The following KCTD16 variants were observed in gnomAD, a reference collection of about 807,000 sequenced individuals.
KCTD16 encodes potassium channel tetramerization domain containing 16.
In KCTD16, 13 loss-of-function variants were observed where a neutral mutation model predicts 33.2. The ratio of observed to expected loss-of-function variants is 0.39; its 90% CI spans 0.25 to 0.62. The LOEUF is 0.62. KCTD16 is among the 20% of genes least tolerant of loss of function. The pLI, the probability that KCTD16 is intolerant of heterozygous loss-of-function variation, is 0.50. For synonymous variants in KCTD16, 197 were observed against 195.3 expected (o/e 1.01, Z -0.07); for missense variants, 441 against 525.1 (o/e 0.84, Z 1.57).
intron 3 of KCTD16, among the ~76,000 whole-genome samples, chr5:144,214,344 C>T (rs1753495025): frequency 6.6e-6 from 1 of 152,068 alleles, no homozygotes; most frequent in Non-Finnish European, 1.5e-5. Context: ...CAGTATTTTC[C>T]CCTTTGGATC....
At chr5:144,356,914 G>C (rs1355100627) in intron 3 of KCTD16, among the ~76,000 whole-genome samples, 3 of 151,460 alleles carry the variant, frequency 2.0e-5, no homozygotes, top group Admixed American at 1.3e-4. Context: ...AAGGCACACA[G>C]TCACATTTCT....
At chr5:144,378,255 A>G (rs962205827) in intron 3 of KCTD16, among the ~76,000 whole-genome samples, 7 of 152,336 alleles carry the variant, frequency 4.6e-5, no homozygotes, top group African/African-American at 1.7e-4. Flanking sequence ...GAAAAGTAAT[A>G]GAAGAACTTA....
chr5:144,180,448 A>G (rs1415589284), intron 2 of KCTD16, among the ~76,000 whole-genome samples: 1 of 152,046 alleles, frequency 6.6e-6, no homozygotes, highest in Non-Finnish European at 1.5e-5. Context: ...TTGTAAAGAA[A>G]AACAAACAAA....
intron 3 of KCTD16, among the ~76,000 whole-genome samples, chr5:144,417,811 T>G (rs544586499): frequency 6.6e-6 from 1 of 152,168 alleles, no homozygotes; most frequent in Non-Finnish European, 1.5e-5. Context: ...TTCTTCTGCA[T>G]ATGGATATGC....
At chr5:144,312,232 C>T (rs1032313461) in intron 3 of KCTD16, among the ~76,000 whole-genome samples, 2 of 152,298 alleles carry the variant, frequency 1.3e-5, no homozygotes, top group East Asian at 1.9e-4. Flanking sequence ...TCTGTTTATA[C>T]GTGTTACTCT....
chr5:144,233,113 C>G (rs576708275), intron 3 of KCTD16, among the ~76,000 whole-genome samples: 142 of 151,796 alleles, frequency 9.4e-4, no homozygotes, highest in African/African-American at 3.4e-3. Flanking sequence ...AGAACTGTGT[C>G]TTTTAGATTT....
chr5:144,191,760 A>G lies in KCTD16; in HGVS notation c.-326-14629A>G, dbSNP rs562397579. 4.0e-5 allele frequency among the ~76,000 whole-genome samples: 6 copies of G among 151,502 alleles called. No homozygotes were observed. In the East Asian group the frequency reaches 9.7e-4, roughly 24 times the overall value. On this transcript the variant is annotated intron_variant, in intron 2 of 3. Transcript: ENST00000512467. ...AGCCGAGACAGTTCCCTGTTTTTCTATGCATCTCAGGCTAACAGTGAGTGT... is the reference window on the plus strand; with the variant it reads ...AGCCGAGACAGTTCCCTGTTTTTCTGTGCATCTCAGGCTAACAGTGAGTGT...
chr5:144,452,433 G>A (rs1289193479), intron 3 of KCTD16, among the ~76,000 whole-genome samples: 1 of 151,648 alleles, frequency 6.6e-6, no homozygotes, highest in Non-Finnish European at 1.5e-5. Flanking sequence ...GAATCACATC[G>A]AACATATACC....
intron 3 of KCTD16, among the ~76,000 whole-genome samples, chr5:144,274,835 C>T (rs1755398170): frequency 6.6e-6 from 1 of 152,156 alleles, no homozygotes; most frequent in African/African-American, 2.4e-5. Context: ...TTAAGGCTCC[C>T]AGATCAGAAG....
At chr5:144,178,999 C>T (rs12520298) in intron 2 of KCTD16, among the ~76,000 whole-genome samples, 23,180 of 152,166 alleles carry the variant, frequency 0.15, 1,933 homozygotes, top group Admixed American at 0.25. Flanking sequence ...AAACACCCCT[C>T]GTTTAACTGG....
At chr5:144,283,821 C>T (rs542531574) in intron 3 of KCTD16, among the ~76,000 whole-genome samples, 108 of 152,224 alleles carry the variant, frequency 7.1e-4, no homozygotes, top group Non-Finnish European at 1.3e-3. Flanking sequence ...CTTTCATTAC[C>T]TGGAGGATAT....
chr5:144,450,788 A>G (rs1341504327), intron 3 of KCTD16, among the ~76,000 whole-genome samples: 1 of 152,122 alleles, frequency 6.6e-6, no homozygotes, highest in African/African-American at 2.4e-5. Context: ...GTTACTAGGT[A>G]TCGAGGGGAG....
intron 3 of KCTD16, among the ~76,000 whole-genome samples, chr5:144,211,997 C>T (rs1219557892): frequency 6.6e-6 from 1 of 152,074 alleles, no homozygotes; most frequent in Non-Finnish European, 1.5e-5. Flanking sequence ...TGTTACCTTC[C>T]CCAGGGGTAT....
chr5:144,368,928 T>G (rs1751900222), intron 3 of KCTD16, among the ~76,000 whole-genome samples: 1 of 152,162 alleles, frequency 6.6e-6, no homozygotes, highest in Non-Finnish European at 1.5e-5. Flanking sequence ...AATCCAGAAC[T>G]CGAACCCAGA....
At chr5:144,377,838 CT>C (rs2126928709) in intron 3 of KCTD16, 1 of 152,300 alleles carries the variant, frequency 6.6e-6, no homozygotes, top group African/African-American at 2.4e-5. Context: ...GTAAACCTCC[CT>C]TTCCACAATG....
rs1462834907 is a variant in KCTD16 at position 144,483,783 on chromosome 5, A to C, written c.*9669A>C. On this transcript the variant is annotated 3_prime_UTR_variant, in exon 4 of 4. Transcript: ENST00000512467. ...CATGCCTTCAACTGATAGTCCTAGCACAGATCCCTCCTCCCAGAGATCTGT... is the reference window on the plus strand; with the variant it reads ...CATGCCTTCAACTGATAGTCCTAGCCCAGATCCCTCCTCCCAGAGATCTGT... The C allele has an allele frequency of 1.3e-5, 2 of 151,962 alleles. No homozygotes were observed. Among genetic ancestry groups the C allele is most frequent in the Non-Finnish European group, 1.5e-5 (1 of 67,932 alleles). 9.4% of individuals were successfully genotyped at this position (151,962 alleles called of 1,614,324 possible).
chr5:144,381,806 A>C (rs144547100), intron 3 of KCTD16, among the ~76,000 whole-genome samples: 2 of 152,354 alleles, frequency 1.3e-5, no homozygotes, highest in East Asian at 3.9e-4. Flanking sequence ...AAACCATCTC[A>C]AGAAGTTTGG....
intron 3 of KCTD16, among the ~76,000 whole-genome samples, chr5:144,241,532 A>G (rs966261071): frequency 6.6e-6 from 1 of 152,154 alleles, no homozygotes; most frequent in African/African-American, 2.4e-5. Flanking sequence ...GTATTCAAGG[A>G]GGCAAACAAG....
chr5:144,284,759 GA>G (rs1253853464), intron 3 of KCTD16, among the ~76,000 whole-genome samples: 5 of 152,028 alleles, frequency 3.3e-5, no homozygotes, highest in Non-Finnish European at 5.9e-5. Flanking sequence ...TATAGCTAAG[GA>G]AAAAATCACT....
Sources: gnomAD v4.1 joint callset for allele counts (sites outside exome capture counted in the v4.1 genomes callset) on GRCh38, gnomAD v4.1.1 for gene constraint, MANE v1.5 for transcripts, NCBI Gene and HGNC (gene_info 2026-07-23, HGNC 2026-07-21) for gene names.